Variants in DCBLD1 observed in about 807,000 individuals in gnomAD.
DCBLD1 encodes discoidin, CUB and LCCL domain containing 1, also known as discoidin, CUB and LCCL domain-containing protein 1.
Under a neutral mutation model 71.5 loss-of-function variants are expected in DCBLD1, and 57 were observed. The observed-to-expected ratio is 0.80, with a 90% CI of 0.64 to 0.99. The LOEUF (loss-of-function observed/expected upper bound fraction) is 0.99. Among genes scored for constraint, DCBLD1 ranks in the 50% least tolerant of loss-of-function variants. DCBLD1 has a pLI of 0.00. For missense variants in DCBLD1, 891 were observed against 923.5 expected (o/e 0.96, Z 0.46); for synonymous variants, 380 against 363.8 (o/e 1.04, Z -0.51).
At chr6:117,562,625 TGATAA>T in intron 14 of DCBLD1, 1 of 203,378 alleles carries the variant, frequency 4.9e-6, no homozygotes, top group Non-Finnish European at 1.0e-5. Context: ...CAGCATTGAT[TGATAA>T]AAGACTGCTT....
intron 3 of DCBLD1, among the ~76,000 whole-genome samples, chr6:117,520,196 A>G (rs1045869841): frequency 1.3e-4 from 20 of 152,218 alleles, no homozygotes; most frequent in Non-Finnish European, 2.9e-5. Flanking sequence ...GCCACACATA[A>G]AATACACTAA....
intron 14 of DCBLD1, among the ~76,000 whole-genome samples, chr6:117,565,325 C>T (rs1462772761): frequency 6.6e-6 from 1 of 152,126 alleles, no homozygotes; most frequent in East Asian, 1.9e-4. Context: ...TATGTAGTTG[C>T]TAAATGGAAG....
At chr6:117,492,856 A>G (rs1777341445) in intron 1 of DCBLD1, among the ~76,000 whole-genome samples, 1 of 152,166 alleles carries the variant, frequency 6.6e-6, no homozygotes, top group South Asian at 2.1e-4. Context: ...TGTTCCGTGG[A>G]TATGGTGCAT....
chr6:117,569,507 T>C (rs1779763500), intron 14 of DCBLD1: 3 of 1,577,150 alleles, frequency 1.9e-6, no homozygotes, highest in Admixed American at 3.8e-5. Flanking sequence ...TAGGGAAGTA[T>C]ACAGTGTTCA....
At chr6:117,529,589 G>C (rs1778650221) in intron 5 of DCBLD1, among the ~76,000 whole-genome samples, 1 of 152,044 alleles carries the variant, frequency 6.6e-6, no homozygotes, top group Non-Finnish European at 1.5e-5. Flanking sequence ...TCAAAAATCA[G>C]GTTCAATAAA....
intron 1 of DCBLD1, among the ~76,000 whole-genome samples, chr6:117,488,968 T>C (rs1167418169): frequency 2.0e-5 from 3 of 152,208 alleles, no homozygotes; most frequent in Non-Finnish European, 4.4e-5. Flanking sequence ...GCTATTTCCT[T>C]AGGAGCTACA....
At chr6:117,484,312 C>T (rs1465191338) in intron 1 of DCBLD1, among the ~76,000 whole-genome samples, 1 of 152,108 alleles carries the variant, frequency 6.6e-6, no homozygotes, top group African/African-American at 2.4e-5. Flanking sequence ...TCTCTAGGAA[C>T]AAGTGTGATT....
chr6:117,501,968 G>A (rs1338364621), intron 1 of DCBLD1, among the ~76,000 whole-genome samples: 1 of 151,966 alleles, frequency 6.6e-6, no homozygotes, highest in Non-Finnish European at 1.5e-5. Context: ...TTTCTCCTTT[G>A]TTCTTCTCAC....
chr6:117,542,799 G>T (rs79986090), intron 11 of DCBLD1, among the ~76,000 whole-genome samples: 4 of 152,066 alleles, frequency 2.6e-5, no homozygotes, highest in South Asian at 2.1e-4. Flanking sequence ...CCTGAGGGGT[G>T]GGGGAGGGGT....
downstream of DCBLD1, among the ~76,000 whole-genome samples, chr6:117,553,191 G>T (rs2114586180): frequency 6.6e-6 from 1 of 152,226 alleles, no homozygotes; most frequent in East Asian, 1.9e-4. Context: ...GTACCCCTTA[G>T]CAATTATTCC....
At chr6:117,522,886 C>T (rs1038854190) in intron 4 of DCBLD1, among the ~76,000 whole-genome samples, 3 of 152,122 alleles carry the variant, frequency 2.0e-5, no homozygotes, top group Non-Finnish European at 2.9e-5. Flanking sequence ...CTACACACCT[C>T]GTAAGTGTAG....
intron 1 of DCBLD1, among the ~76,000 whole-genome samples, chr6:117,487,445 C>T (rs140605641): frequency 5.1e-4 from 77 of 152,146 alleles, no homozygotes; most frequent in South Asian, 2.1e-3. Context: ...AGCAACATAG[C>T]GAAATCCCAT....
intron 3 of DCBLD1, 59 bp from the exon 4 acceptor site, chr6:117,521,466 G>A (rs555389596): frequency 1.5e-6 from 2 of 1,359,784 alleles, no homozygotes; most frequent in East Asian, 4.8e-5. Flanking sequence ...AAGCTTTGCA[G>A]CATGAGTGTC....
In DCBLD1 at chr6:117,548,499, A is replaced by G; in HGVS notation, c.*60A>G. The G allele has an allele frequency of 6.5e-7, 1 of 1,543,730 alleles. No individual in the cohort carries two copies. Among genetic ancestry groups the G allele is most frequent in the Non-Finnish European group, 8.7e-7 (1 of 1,145,816 alleles). On this transcript the variant is annotated 3_prime_UTR_variant, in exon 15 of 15. Transcript: ENST00000338728. ...CGTCGGGCTGTCACAAGGCACTGGA[A>G]GAAGGGAGCCTGCTGGTCCAGAGTG...
At chr6:117,518,013 G>A (rs1213475722) in intron 2 of DCBLD1, among the ~76,000 whole-genome samples, 2 of 152,188 alleles carry the variant, frequency 1.3e-5, no homozygotes, top group Non-Finnish European at 2.9e-5. Flanking sequence ...TTTCTCCTCA[G>A]AAAATGGGAT....
chr6:117,548,620 G>A lies in DCBLD1; in HGVS notation c.*181G>A, dbSNP rs1779360244. On this transcript the variant is annotated 3_prime_UTR_variant, in exon 15 of 15. Transcript: ENST00000338728. Reference sequence around the variant, plus strand: ...GTCATACTGTTTACAAAATTGTGCAGCTGGTTTCGTGCTGACCCTTAGGGT... The same window carrying A: ...GTCATACTGTTTACAAAATTGTGCAACTGGTTTCGTGCTGACCCTTAGGGT... The A allele has an allele frequency of 1.4e-6, 2 of 1,433,842 alleles. No homozygotes were observed. Among genetic ancestry groups the A allele is most frequent in the African/African-American group, 1.4e-5 (1 of 69,762 alleles). The allele number at this position is 1,433,842 out of a possible 1,614,324, so 88.8% of individuals were successfully genotyped here.
intron 7 of DCBLD1, among the ~76,000 whole-genome samples, chr6:117,537,489 G>A (rs557693943): frequency 6.7e-6 from 1 of 150,080 alleles, no homozygotes; most frequent in Admixed American, 6.6e-5. Flanking sequence ...AGCTGAGATT[G>A]CGCCACTGCA....
rs1210347614 is a variant in DCBLD1, at chr6:117,540,816, G to A, written c.1249+1G>A. On this transcript the variant is annotated splice_donor_variant, in intron 10 of 14. Coordinates refer to ENST00000338728, the MANE Select transcript of DCBLD1 (RefSeq NM_001366458.2). LOFTEE classifies it high-confidence loss of function. The stretch of plus-strand genomic sequence containing the variant: ...CTCATTGGTTGCCAGATTACACAAG[G>A]TAGGGCTCAGGGCAAGCCAGTGAGT... 17 of 1,614,178 alleles carry A rather than the reference G, an allele frequency of 1.1e-5. No individual in the cohort carries two copies. Among genetic ancestry groups the A allele is most frequent in the Non-Finnish European group, 1.4e-5 (17 of 1,180,040 alleles).
chr6:117,537,367 T>C (rs924066384), intron 7 of DCBLD1, 142 bp downstream of exon 7: 33 of 670,232 alleles, frequency 4.9e-5, no homozygotes, highest in Non-Finnish European at 7.7e-5. Context: ...ACCCCGTCTC[T>C]ACTAAAAATA....
Sources: allele counts gnomAD v4.1 joint callset (sites outside exome capture counted in the v4.1 genomes callset), GRCh38; gene constraint gnomAD v4.1.1; transcripts MANE v1.5; gene names NCBI Gene and HGNC (gene_info 2026-07-23, HGNC 2026-07-21).